ZNF704: variants seen among roughly 807,000 people sequenced by gnomAD.
ZNF704 encodes the protein glucocorticoid induced gene 1.
Under a neutral mutation model 44.7 loss-of-function variants are expected in ZNF704, and 10 were observed. The observed-to-expected ratio is 0.22, with a 90% CI of 0.14 to 0.38. The LOEUF (loss-of-function observed/expected upper bound fraction) is 0.38, where lower values mean the gene tolerates loss of function less well. Ranked by LOEUF, ZNF704 falls within the 10% of genes least tolerant of loss-of-function variation. ZNF704 has a pLI of 1.00. For synonymous variants in ZNF704, 211 were observed against 207.6 expected (o/e 1.02, Z -0.14); for missense variants, 390 against 545.5 (o/e 0.71, Z 2.84).
rs560508944 is a variant in ZNF704, at chr8:80,632,786, T to A, written c.*8580A>T. ...TTCTTTCTTCATGGGTCTTTCTACA[T>A]CCTGTTATTGTCATGGCAACGGCGC... is the stretch of plus-strand genomic sequence containing the variant. On this transcript the variant is annotated 3_prime_UTR_variant, in exon 9 of 9. Transcript: ENST00000327835. 1 of 152,212 alleles carries A rather than the reference T, an allele frequency of 6.6e-6. No homozygotes were observed. Among genetic ancestry groups the A allele is most frequent in the African/African-American group, 2.4e-5 (1 of 41,446 alleles). The allele number at this position is 152,212 out of a possible 1,614,324, so 9.4% of individuals were successfully genotyped here.
chr8:80,750,439 A>G (rs897829433), intron 2 of ZNF704, among the ~76,000 whole-genome samples: 2 of 152,166 alleles, frequency 1.3e-5, no homozygotes, highest in Non-Finnish European at 2.9e-5. Flanking sequence ...TGTGAAATCA[A>G]TATTAAAAAT....
chr8:80,880,810 A>T, the ZNF704 span, among the ~76,000 whole-genome samples: 1 of 152,260 alleles, frequency 6.6e-6, no homozygotes, highest in Non-Finnish European at 1.5e-5. Context: ...AAAAGTTTTA[A>T]AGTAAGTGAA....
At chr8:80,649,378 C>T (rs951524071) in intron 7 of ZNF704, among the ~76,000 whole-genome samples, 7 of 152,138 alleles carry the variant, frequency 4.6e-5, no homozygotes, top group African/African-American at 7.2e-5. Context: ...TCGCCTCACC[C>T]GGGAAGCGCA....
At chr8:80,711,652 C>T (rs554360057) in intron 2 of ZNF704, among the ~76,000 whole-genome samples, 41 of 152,246 alleles carry the variant, frequency 2.7e-4, no homozygotes, top group African/African-American at 9.9e-4. Flanking sequence ...ATAAGGTTTT[C>T]CAGGGGATAC....
chr8:80,737,124 C>T (rs1250489925), intron 2 of ZNF704, among the ~76,000 whole-genome samples: 7 of 152,140 alleles, frequency 4.6e-5, no homozygotes, highest in African/African-American at 1.7e-4. Context: ...ATTTGCTAAC[C>T]ATGTTTCATC....
intron 2 of ZNF704, among the ~76,000 whole-genome samples, chr8:80,697,577 A>G (rs980714141): frequency 1.3e-5 from 2 of 152,230 alleles, no homozygotes; most frequent in Non-Finnish European, 2.9e-5. Flanking sequence ...GTGGCTTCAG[A>G]TCCACTCTCT....
Position 80,653,423 on chromosome 8 carries a change from T to C in ZNF704, c.1032+6162A>G, listed in dbSNP as rs541041093. Among the ~76,000 whole-genome samples the C allele has an allele frequency of 6.1e-3, 925 of 152,294 alleles. 5 individuals carry two copies. Among genetic ancestry groups the C allele is most frequent in the Non-Finnish European group, 6.8e-3 (464 of 68,026 alleles). On this transcript the variant is annotated intron_variant, in intron 7 of 8. Coordinates refer to ENST00000327835, the MANE Select transcript of ZNF704 (RefSeq NM_001033723.3). Reference sequence around the variant, plus strand: ...ATGATTGTATATCTAGAAAACCCCATAGTCTCAGCCCAAAATCTCCTTAAG... The same window carrying C: ...ATGATTGTATATCTAGAAAACCCCACAGTCTCAGCCCAAAATCTCCTTAAG...
intron 1 of ZNF704, among the ~76,000 whole-genome samples, chr8:80,825,613 C>A (rs533602901): frequency 1.2e-3 from 182 of 152,340 alleles, no homozygotes; most frequent in African/African-American, 4.1e-3. Flanking sequence ...CCCAAATCAA[C>A]AGAATATACA....
rs1817635222 is a variant in ZNF704, at chr8:80,634,401, G to GT, written c.*6964dup. 1 of 152,250 alleles carries GT rather than the reference G, an allele frequency of 6.6e-6. No individual in the cohort carries two copies. Among genetic ancestry groups the GT allele is most frequent in the African/African-American group, 2.4e-5 (1 of 41,454 alleles). The allele number at this position is 152,250 out of a possible 1,614,324, so 9.4% of individuals were successfully genotyped here. A position where few individuals can be genotyped will look rare whatever the true frequency, so the allele number is the denominator to read the frequency against. ...TTAGTTGCCCAGATAGTGCCGACAT[G>GT]TGAGTTTGTGGGGCTGATGGATGAA... On this transcript the variant is annotated 3_prime_UTR_variant, in exon 9 of 9. Transcript: ENST00000327835.
At chr8:80,860,836 C>T (rs1268310780) in intron 1 of ZNF704, among the ~76,000 whole-genome samples, 1 of 152,196 alleles carries the variant, frequency 6.6e-6, no homozygotes. Context: ...ATCCATACCC[C>T]AATGATTGAA....
intron 2 of ZNF704, among the ~76,000 whole-genome samples, chr8:80,698,950 GGA>G (rs1300136626): frequency 1.3e-5 from 2 of 152,104 alleles, no homozygotes; most frequent in African/African-American, 4.8e-5. Context: ...ACTAGCTAAG[GGA>G]GAGATGTTTT....
At chr8:80,712,891 TTTTGG>T (rs919374556) in intron 2 of ZNF704, among the ~76,000 whole-genome samples, 2 of 152,030 alleles carry the variant, frequency 1.3e-5, no homozygotes, top group Admixed American at 6.5e-5. Flanking sequence ...TGTTTGTTTG[TTTTGG>T]TTTGGTTTGG....
chr8:80,655,634 C>A (rs552301840), intron 7 of ZNF704, among the ~76,000 whole-genome samples: 189 of 152,290 alleles, frequency 1.2e-3, no homozygotes, highest in African/African-American at 4.4e-3. Flanking sequence ...TTAGAAGGAT[C>A]ACATGGCGTT....
chr8:80,802,166 A>C (rs1323259949), intron 2 of ZNF704, among the ~76,000 whole-genome samples: 1 of 142,432 alleles, frequency 7.0e-6, no homozygotes, highest in Non-Finnish European at 1.5e-5. Context: ...CAATTCTGAA[A>C]TTGAGGCAGT....
intron 2 of ZNF704, among the ~76,000 whole-genome samples, chr8:80,762,340 A>G (rs1807146137): frequency 6.6e-6 from 1 of 152,152 alleles, no homozygotes; most frequent in African/African-American, 2.4e-5. Flanking sequence ...GGTTTAATTA[A>G]CTCACAGTTC....
rs1357791279 is a variant in ZNF704, at chr8:80,633,905, T to C, written c.*7461A>G. On this transcript the variant is annotated 3_prime_UTR_variant, in exon 9 of 9. Transcript: ENST00000327835. ...TCTCATTTTGCTTTCCCCTCAAAGA[T>C]GCTAGGGTTTTGTATGTGGAAAAAC... 6.6e-6 allele frequency: 1 copy of C among 152,200 alleles called. No individual in the cohort carries two copies. The highest frequency in any genetic ancestry group is 1.5e-5 in the Non-Finnish European group (1 of 68,032). The allele number at this position is 152,200 out of a possible 1,614,324, so 9.4% of individuals were successfully genotyped here. A position where few individuals can be genotyped will look rare whatever the true frequency, so the allele number is the denominator to read the frequency against.
chr8:80,876,141 ACCCT>A (rs1223379619), upstream of ZNF704, among the ~76,000 whole-genome samples: 1 of 151,534 alleles, frequency 6.6e-6, no homozygotes, highest in Non-Finnish European at 1.5e-5. Flanking sequence ...TCACCCACAC[ACCCT>A]CCCTTTCCCT....
intron 2 of ZNF704, among the ~76,000 whole-genome samples, chr8:80,752,570 T>G (rs1488845329): frequency 1.3e-5 from 2 of 151,746 alleles, no homozygotes; most frequent in African/African-American, 4.8e-5. Flanking sequence ...AAACAGAGTT[T>G]CGTTCTTGTT....
chr8:80,845,524 T>C (rs1257277212), intron 1 of ZNF704, among the ~76,000 whole-genome samples: 1 of 152,220 alleles, frequency 6.6e-6, no homozygotes, highest in Non-Finnish European at 1.5e-5. Context: ...AACATGTAAA[T>C]TTCTGCAATT....
Sources: gnomAD v4.1 joint callset for allele counts (sites outside exome capture counted in the v4.1 genomes callset) on GRCh38, gnomAD v4.1.1 for gene constraint, MANE v1.5 for transcripts, NCBI Gene and HGNC (gene_info 2026-07-23, HGNC 2026-07-21) for gene names.